The following PDZD2 variants were observed in gnomAD, a reference collection of about 807,000 sequenced individuals.
PDZD2 encodes the protein PDZ domain containing 2.
Under a neutral mutation model 220.7 loss-of-function variants are expected in PDZD2, and 90 were observed. The ratio of observed to expected loss-of-function variants is 0.41; its 90% CI spans 0.34 to 0.49. PDZD2 has a LOEUF of 0.49. Among genes scored for constraint, PDZD2 ranks in the 20% least tolerant of loss-of-function variants. PDZD2 has a pLI of 0.28. For synonymous variants in PDZD2, 1,375 were observed against 1,450.5 expected (o/e 0.95, Z 1.18); for missense variants, 3,174 against 3,608.5 (o/e 0.88, Z 3.08).
chr5:31,697,163 G>GA (rs1747412857), intron 1 of PDZD2, among the ~76,000 whole-genome samples: 1 of 152,162 alleles, frequency 6.6e-6, no homozygotes, highest in African/African-American at 2.4e-5. Context: ...AGAAAGTTTA[G>GA]AAAATAGGAA....
At chr5:32,102,858 CAGG>C (rs1384567967) in intron 24 of PDZD2, among the ~76,000 whole-genome samples, 1 of 152,168 alleles carries the variant, frequency 6.6e-6, no homozygotes, top group African/African-American at 2.4e-5. Flanking sequence ...GCTTGAGCCC[CAGG>C]AGTTCAATAC....
At chr5:31,681,257 G>A (rs1168614743) in intron 1 of PDZD2, among the ~76,000 whole-genome samples, 2 of 151,936 alleles carry the variant, frequency 1.3e-5, no homozygotes, top group Admixed American at 6.6e-5. Context: ...TTTTTACTTT[G>A]TTTTGTTGAG....
intron 1 of PDZD2, among the ~76,000 whole-genome samples, chr5:31,649,384 G>T (rs561380953): frequency 6.6e-6 from 1 of 151,344 alleles, no homozygotes; most frequent in East Asian, 2.0e-4. Flanking sequence ...CCATATCAGA[G>T]CTCTTTTTCT....
In PDZD2 at chr5:31,995,622, A is replaced by G; in HGVS notation, c.1025A>G (p.Asp342Gly). Residue 342 changes from aspartate (D) to glycine (G), a missense_variant, in exon 4 of 25, where the codon GAT (aspartate) becomes GGT (glycine). Physicochemically the swap from Asp to Gly is moderately conservative, Grantham distance 94 (BLOSUM62 -1). This residue lies in a region of PDZD2 where 632 missense variants were observed against 708.1 expected (regional missense o/e 0.89). Transcript: ENST00000438447. ...AAGATGGAGCTGCTCAAAGAATCGGATGGGCTGGGAATTCAGGTTAGTGGA... is the reference window on the plus strand; with the variant it reads ...AAGATGGAGCTGCTCAAAGAATCGGGTGGGCTGGGAATTCAGGTTAGTGGA... ...IWKMELLKES[D>G]GLGIQVSGGR... is the part of the protein sequence containing the mutation. The G allele has an allele frequency of 1.2e-6, 2 of 1,614,104 alleles. No individual in the cohort carries two copies. The highest frequency in any genetic ancestry group is 1.7e-6 in the Non-Finnish European group (2 of 1,179,996).
intron 24 of PDZD2, among the ~76,000 whole-genome samples, chr5:32,106,700 C>A (rs898108112): frequency 1.3e-5 from 2 of 152,204 alleles, no homozygotes; most frequent in Non-Finnish European, 2.9e-5. Context: ...TCACAAAATT[C>A]TTTTGTTTCA....
At chr5:31,747,184 A>G (rs1750653632) in intron 1 of PDZD2, among the ~76,000 whole-genome samples, 1 of 152,178 alleles carries the variant, frequency 6.6e-6, no homozygotes, top group Non-Finnish European at 1.5e-5. Context: ...CAAAATAAAT[A>G]ATTTTTTTAA....
Position 31,840,421 on chromosome 5 carries a change from TA to T in PDZD2, c.476+40698del, listed in dbSNP as rs1561499061. 109 of 121,148 alleles carry T rather than the reference TA, an allele frequency of 9.0e-4. 5 individuals are homozygous for T. The highest frequency in any genetic ancestry group is 1.8e-3 in the South Asian group (7 of 3,858). 7.5% of individuals were successfully genotyped at this position (121,148 alleles called of 1,614,324 possible). On this transcript the variant is annotated intron_variant, in intron 2 of 24. Transcript: ENST00000438447. ...TTATATATATATATATATATATATA[TA>T]TATATATATATATATATATATATAT...
At chr5:31,740,287 G>A (rs1056420047) in intron 1 of PDZD2, among the ~76,000 whole-genome samples, 3 of 151,720 alleles carry the variant, frequency 2.0e-5, no homozygotes, top group Admixed American at 6.6e-5. Context: ...TTGGGAGGCC[G>A]AGGCGGGCAG....
At chr5:31,817,185 C>CAA (rs33979989) in intron 2 of PDZD2, among the ~76,000 whole-genome samples, 40,712 of 95,412 alleles carry the variant, frequency 0.43, 9,513 homozygotes, top group Non-Finnish European at 0.5. Context: ...GACTCCGTCT[C>CAA]AAAAAAAAAA....
intron 2 of PDZD2, among the ~76,000 whole-genome samples, chr5:31,921,405 C>T (rs7716494): frequency 0.17 from 25,680 of 152,106 alleles, 2,278 homozygotes; most frequent in Non-Finnish European, 0.19. Context: ...CTCTTAAGGC[C>T]GGGTGCAGTG....
At chr5:31,724,061 C>G (rs1350600062) in intron 1 of PDZD2, among the ~76,000 whole-genome samples, 3 of 152,170 alleles carry the variant, frequency 2.0e-5, no homozygotes, top group Non-Finnish European at 2.9e-5. Context: ...CACACACACA[C>G]AGAACCTACT....
chr5:31,966,081 G>GT lies in PDZD2; in HGVS notation c.477-17068dup, dbSNP rs563748051. Among the ~76,000 whole-genome samples, 487 of 152,250 alleles carry GT rather than the reference G, an allele frequency of 3.2e-3. 4 individuals carry two copies. The highest frequency in any genetic ancestry group is 0.011 in the African/African-American group (452 of 41,568). ...AGGTCATGGTAAGGGTTTTTGTTTT[G>GT]TTTTTTGGGAATCAGACAGAGGCAG... On this transcript the variant is annotated intron_variant, in intron 2 of 24. Transcript: ENST00000438447.
chr5:31,794,674 T>A (rs1335091464), intron 1 of PDZD2, among the ~76,000 whole-genome samples: 2 of 152,188 alleles, frequency 1.3e-5, no homozygotes, highest in Admixed American at 6.5e-5. Context: ...CCCAAAGTTC[T>A]GGGATTACAG....
intron 1 of PDZD2, among the ~76,000 whole-genome samples, chr5:31,776,468 T>C (rs1245074446): frequency 2.7e-5 from 4 of 150,522 alleles, no homozygotes; most frequent in Admixed American, 1.3e-4. Flanking sequence ...ATTTATTTAT[T>C]TATTTATTTA....
intron 2 of PDZD2, among the ~76,000 whole-genome samples, chr5:31,947,532 A>G (rs1272758590): frequency 6.6e-6 from 1 of 152,248 alleles, no homozygotes; most frequent in Non-Finnish European, 1.5e-5. Context: ...CAAAGTTGAT[A>G]TGAAAATCAA....
At chr5:31,993,041 G>C (rs1751354657) in intron 3 of PDZD2, among the ~76,000 whole-genome samples, 1 of 152,122 alleles carries the variant, frequency 6.6e-6, no homozygotes, top group South Asian at 2.1e-4. Flanking sequence ...TGGAAGTGTT[G>C]AAAGTTGCCA....
At position 31,682,771 on chromosome 5, in the gene PDZD2, T is replaced by G. The variant is rs546883553; in HGVS notation, c.-361+43334T>G. Reference sequence around the variant, plus strand: ...CAGGACAGCTAACCCTCAAAAGCCCTGCAGGTGAATTTTTACGTAGACCAA... The same window carrying G: ...CAGGACAGCTAACCCTCAAAAGCCCGGCAGGTGAATTTTTACGTAGACCAA... On this transcript the variant is annotated intron_variant, in intron 1 of 24. Transcript: ENST00000438447. Among the ~76,000 whole-genome samples, 4 of 152,026 alleles carry G rather than the reference T, an allele frequency of 2.6e-5. No homozygotes were observed. The East Asian group carries it at 7.8e-4, about 29-fold the overall frequency.
At chr5:31,990,379 T>C (rs1363715400) in intron 3 of PDZD2, among the ~76,000 whole-genome samples, 3 of 152,244 alleles carry the variant, frequency 2.0e-5, no homozygotes, top group African/African-American at 7.2e-5. Flanking sequence ...ACAACATTAG[T>C]GCAGAAGTCC....
Position 32,000,092 on chromosome 5 carries a change from C to T in PDZD2, c.1122-47C>T. 6.2e-7 allele frequency: 1 copy of T among 1,602,516 alleles called. No homozygotes were observed. The highest frequency in any genetic ancestry group is 8.5e-7 in the Non-Finnish European group (1 of 1,171,462). On this transcript the variant is annotated intron_variant, in intron 4 of 24. Transcript: ENST00000438447. The surrounding 1 kb of genome is among the most constrained non-coding windows in gnomAD (Gnocchi z 4.5). ...CTCCAGAAAATGGCCCTTCTCAGGC[C>T]CAGAATGTCTTGACAAGGGATCTTT...
Sources: allele counts gnomAD v4.1 joint callset (sites outside exome capture counted in the v4.1 genomes callset), GRCh38; gene constraint gnomAD v4.1.1; regional missense constraint gnomAD v4.1.1; non-coding constraint Gnocchi (gnomAD v3.1); transcripts MANE v1.5; gene names NCBI Gene and HGNC (gene_info 2026-07-23, HGNC 2026-07-21).